FNBP1L: variants seen among roughly 807,000 people sequenced by gnomAD.
FNBP1L encodes the protein formin-binding protein 1-like.
In FNBP1L, 36 loss-of-function variants were observed where a neutral mutation model predicts 91.2. The ratio of observed to expected loss-of-function variants is 0.39; its 90% confidence interval spans 0.30 to 0.52. The LOEUF (loss-of-function observed/expected upper bound fraction) is 0.52. Ranked by LOEUF, FNBP1L falls within the 20% of genes least tolerant of loss-of-function variation. The probability of loss-of-function intolerance (pLI) is 0.66; values close to 1 mark genes in which losing one functional copy is unlikely to be tolerated. For synonymous variants in FNBP1L, 242 were observed against 237.0 expected, an observed-to-expected ratio of 1.02 and a Z score of -0.19; for missense variants, 571 against 732.1, an observed-to-expected ratio of 0.78 and a Z score of 2.54.
intron 13 of FNBP1L, 149 bp from the exon 14 acceptor site, chr1:93,547,198 G>A: frequency 1.1e-6 from 1 of 879,464 alleles, no homozygotes; most frequent in Non-Finnish European, 1.7e-6. Context: ...CAGCTATAAA[G>A]TTGATCCTTT....
intron 1 of FNBP1L, among the ~76,000 whole-genome samples, chr1:93,459,392 C>T (rs1668784747): frequency 6.6e-6 from 1 of 151,926 alleles, no homozygotes; most frequent in South Asian, 2.1e-4. Flanking sequence ...AAGAAAACAA[C>T]TTGATTAAAA....
At chr1:93,549,253 T>C in intron 14 of FNBP1L, 25 bp from the exon 15 acceptor site, 1 of 1,583,958 alleles carries the variant, frequency 6.3e-7, no homozygotes, top group Non-Finnish European at 8.6e-7. Context: ...TGATACTTGA[T>C]CAGAGATAAT....
At chr1:93,454,374 A>G (rs1257547397) in intron 1 of FNBP1L, among the ~76,000 whole-genome samples, 2 of 152,018 alleles carry the variant, frequency 1.3e-5, no homozygotes, top group African/African-American at 4.8e-5. Context: ...ACATTTGTAT[A>G]TAATCAAACC....
At chr1:93,519,039 T>C (rs1004953178) in intron 2 of FNBP1L, among the ~76,000 whole-genome samples, 6 of 152,258 alleles carry the variant, frequency 3.9e-5, no homozygotes. Flanking sequence ...CGTCCCATTC[T>C]TTCTGTCAGT....
rs140662650 is a variant in FNBP1L at position 93,553,388 on chromosome 1, T to C, written c.*972T>C. Reference sequence around the variant, plus strand: ...TCAGCTCAGTGCGACCTGCTTTAACTCTGCAGCACCGCTGCAGCTGCCGAT... The same window carrying C: ...TCAGCTCAGTGCGACCTGCTTTAACCCTGCAGCACCGCTGCAGCTGCCGAT... On this transcript the variant is annotated 3_prime_UTR_variant, in exon 17 of 17. Transcript: ENST00000271234. The C allele has an allele frequency of 6.5e-6, 1 of 152,726 alleles. No individual in the cohort carries two copies. The highest frequency in any genetic ancestry group is 1.5e-5 in the Non-Finnish European group (1 of 68,002). The allele number at this position is 152,726 out of a possible 1,614,324, so 9.5% of individuals were successfully genotyped here. A position where few individuals can be genotyped will look rare whatever the true frequency, so the allele number is the denominator to read the frequency against.
chr1:93,494,026 A>G (rs1213550761), intron 1 of FNBP1L, among the ~76,000 whole-genome samples: 1 of 152,116 alleles, frequency 6.6e-6, no homozygotes, highest in Non-Finnish European at 1.5e-5. Context: ...TACAGATCCT[A>G]CCGTTCAAGG....
rs1672278463 is a variant in FNBP1L, at chr1:93,547,407, G to T, written c.1468G>T (p.Asp490Tyr). ...GGRGDRRHSSDINHLVTQGRE... is the reference protein window; with the variant it reads ...GGRGDRRHSSYINHLVTQGRE... Reference sequence around the variant, plus strand: ...GAGAGGAGACAGAAGACATAGCAGTGACATAAATCATCTTGTAACACAGGG... The same window carrying T: ...GAGAGGAGACAGAAGACATAGCAGTTACATAAATCATCTTGTAACACAGGG... Residue 490 changes from aspartate to tyrosine, a missense_variant, in exon 14 of 17, where the codon GAC (aspartate) becomes TAC (tyrosine). Coordinates refer to ENST00000271234, the MANE Select transcript of FNBP1L (RefSeq NM_001164473.3). 2 of 1,560,524 alleles carry T rather than the reference G, an allele frequency of 1.3e-6. No individual in the cohort carries two copies. Among genetic ancestry groups the T allele is most frequent in the East Asian group, 4.8e-5 (2 of 41,874 alleles).
At chr1:93,501,657 G>T (rs1156969757) in intron 2 of FNBP1L, among the ~76,000 whole-genome samples, 1 of 152,064 alleles carries the variant, frequency 6.6e-6, no homozygotes, top group Non-Finnish European at 1.5e-5. Context: ...ATGAGTTTTG[G>T]TTGGGGTCAA....
rs1319922044 is a variant in FNBP1L at position 93,532,819 on chromosome 1, A to G, written c.640-103A>G. On this transcript the variant is annotated intron_variant, in intron 7 of 16. Coordinates refer to ENST00000271234, the MANE Select transcript of FNBP1L (RefSeq NM_001164473.3). ...AGGTATTAACAACAGTGTAACTATGAGGGTAGAAATATTTAATTTTTGATG... is the reference window on the plus strand; with the variant it reads ...AGGTATTAACAACAGTGTAACTATGGGGGTAGAAATATTTAATTTTTGATG... 4 of 792,892 alleles carry G rather than the reference A, an allele frequency of 5.0e-6. No individual in the cohort carries two copies. The South Asian group carries it at 7.5e-5, about 15-fold the overall frequency. 49.1% of individuals were successfully genotyped at this position (792,892 alleles called of 1,614,324 possible). A position where few individuals can be genotyped will look rare whatever the true frequency, so the allele number is the denominator to read the frequency against.
At position 93,499,942 on chromosome 1, in the gene FNBP1L, A is replaced by G. The variant is rs569068024; in HGVS notation, c.140+359A>G. Among the ~76,000 whole-genome samples, 4 of 152,264 alleles carry G rather than the reference A, an allele frequency of 2.6e-5. No homozygotes were observed. The East Asian group carries it at 7.7e-4, about 29-fold the overall frequency. ...TTCAAAGTATTGAATATTTCTTCAG[A>G]GTTTTTTTCTTCAGAGTTTGTAAGA... On this transcript the variant is annotated intron_variant, in intron 2 of 16. Coordinates refer to ENST00000271234, the MANE Select transcript of FNBP1L (RefSeq NM_001164473.3).
chr1:93,467,972 C>T (rs1476212330), intron 1 of FNBP1L, among the ~76,000 whole-genome samples: 2 of 152,066 alleles, frequency 1.3e-5, no homozygotes, highest in African/African-American at 2.4e-5. Flanking sequence ...TAAAAAATTG[C>T]TTCTCTCCTC....
In FNBP1L at chr1:93,448,126, C is replaced by T. The variant is rs549199360; in HGVS notation, c.-156C>T. 2,124 of 927,946 alleles carry T rather than the reference C, an allele frequency of 2.3e-3. 8 individuals are homozygous for T. The highest frequency in any genetic ancestry group is 2.7e-3 in the Non-Finnish European group (1,716 of 635,072). The allele number at this position is 927,946 out of a possible 1,614,324, so 57.5% of individuals were successfully genotyped here. A position where few individuals can be genotyped will look rare whatever the true frequency, so the allele number is the denominator to read the frequency against. On this transcript the variant is annotated 5_prime_UTR_variant, in exon 1 of 17. Coordinates refer to ENST00000271234, the MANE Select transcript of FNBP1L (RefSeq NM_001164473.3). ...GCGGCGGAGGCTTCTCCAGTCGCGTCTTTCTCACTCACTGGGGAGCCCGGC... is the reference window on the plus strand; with the variant it reads ...GCGGCGGAGGCTTCTCCAGTCGCGTTTTTCTCACTCACTGGGGAGCCCGGC...
intron 1 of FNBP1L, among the ~76,000 whole-genome samples, chr1:93,450,910 C>T (rs183699027): frequency 6.6e-6 from 1 of 152,262 alleles, no homozygotes; most frequent in Admixed American, 6.5e-5. Flanking sequence ...GGCTCTAATA[C>T]TGACTTTGGG....
At chr1:93,450,933 T>C (rs1363443054) in intron 1 of FNBP1L, among the ~76,000 whole-genome samples, 1 of 152,214 alleles carries the variant, frequency 6.6e-6, no homozygotes, top group African/African-American at 2.4e-5. Context: ...ACTTTTGTAG[T>C]GATGTGCTGA....
Position 93,507,712 on chromosome 1 carries a change from G to A in FNBP1L, c.140+8129G>A, listed in dbSNP as rs189859039. ...CTCCCAGGCTGGAGTGAAGTGGTGC[G>A]ATCTTGGCTCAGTGCAACCTCCGCT... is the stretch of plus-strand genomic sequence containing the variant. On this transcript the variant is annotated intron_variant, in intron 2 of 16. Coordinates refer to ENST00000271234, the MANE Select transcript of FNBP1L (RefSeq NM_001164473.3). Among the ~76,000 whole-genome samples the A allele has an allele frequency of 1.6e-3, 245 of 152,212 alleles. 1 individual carries two copies. The highest frequency in any genetic ancestry group is 4.8e-3 in the South Asian group (23 of 4,822).
chr1:93,549,509 T>C, intron 15 of FNBP1L, 83 bp downstream of exon 15: 6 of 1,074,830 alleles, frequency 5.6e-6, no homozygotes, highest in Non-Finnish European at 7.7e-6. Flanking sequence ...GTAGTATCCT[T>C]ATTTAAGTAA....
At chr1:93,468,717 C>T (rs1669181982) in intron 1 of FNBP1L, among the ~76,000 whole-genome samples, 2 of 152,166 alleles carry the variant, frequency 1.3e-5, no homozygotes, top group Non-Finnish European at 2.9e-5. Flanking sequence ...AGGTGTAAGC[C>T]ACTACACCTG....
intron 2 of FNBP1L, among the ~76,000 whole-genome samples, chr1:93,504,402 C>T (rs977118021): frequency 7.2e-5 from 11 of 152,122 alleles, no homozygotes; most frequent in Admixed American, 6.5e-5. Context: ...TGCCTTTCAC[C>T]TCCCGCCATG....
intron 2 of FNBP1L, among the ~76,000 whole-genome samples, chr1:93,511,259 A>G (rs1670829472): frequency 2.0e-5 from 3 of 152,334 alleles, no homozygotes; most frequent in South Asian, 4.2e-4. Context: ...CTGATCTCTC[A>G]GCAGAAACTC....
Sources: gnomAD v4.1 joint callset for allele counts (sites outside exome capture counted in the v4.1 genomes callset) on GRCh38, gnomAD v4.1.1 for gene constraint, MANE v1.5 for transcripts, NCBI Gene and HGNC (gene_info 2026-07-23, HGNC 2026-07-21) for gene names.